Variants in ADRA1D observed in about 807,000 individuals in gnomAD.
The protein encoded by ADRA1D is alpha-1D adrenergic receptor.
In ADRA1D, 22 loss-of-function variants were observed where a neutral mutation model predicts 18.6. That is an observed-to-expected ratio of 1.19 (90% CI 0.85 to 1.69). ADRA1D has a LOEUF of 1.69. Ranked by LOEUF, ADRA1D falls within the 40% of genes most tolerant of loss-of-function variation. ADRA1D has a pLI of 0.00. For synonymous variants in ADRA1D, 376 were observed against 388.2 expected, an observed-to-expected ratio of 0.97 and a Z score of 0.37; for missense variants, 840 against 840.7, an observed-to-expected ratio of 1.00 and a Z score of 0.01.
At position 4,228,559 on chromosome 20, in the gene ADRA1D, T is replaced by C. The variant is rs190930528; in HGVS notation, c.1112-6429A>G. Among the ~76,000 whole-genome samples, 114 of 152,298 alleles carry C rather than the reference T, an allele frequency of 7.5e-4. 1 individual carries two copies. Among genetic ancestry groups the C allele is most frequent in the African/African-American group, 2.5e-3 (105 of 41,556 alleles). ...AGGAGTTTAGCCTTAAATGGTGAAA[T>C]AGAGAGGGAACATATAGTTACCTAC... On this transcript the variant is annotated intron_variant, in intron 1 of 1. Transcript: ENST00000379453.
In ADRA1D at chr20:4,221,891, G is replaced by A; in HGVS notation, c.1351C>T (p.Pro451Ser). ...STSGLRQDCA[P>S]SSGDAPPGAP... ...CCGGGGGGCGCGTCGCCCGAACTCG[G>A]GGCGCAGTCCTGGCGCAGGCCGCTG... The change falls in exon 2 of 2, where the codon CCG (proline) becomes TCG (serine). Residue 451 changes from proline (P) to serine (S), a missense_variant. Coordinates refer to ENST00000379453, the MANE Select transcript of ADRA1D (RefSeq NM_000678.4). 1 of 1,493,958 alleles carries A rather than the reference G, an allele frequency of 6.7e-7. No individual in the cohort carries two copies. The highest frequency in any genetic ancestry group is 2.3e-5 in the Admixed American group (1 of 44,332). The allele number at this position is 1,493,958 out of a possible 1,614,324, so 92.5% of individuals were successfully genotyped here.
chr20:4,245,832 C>A (rs1490448335), intron 1 of ADRA1D, among the ~76,000 whole-genome samples: 1 of 152,146 alleles, frequency 6.6e-6, no homozygotes, highest in Non-Finnish European at 1.5e-5. Flanking sequence ...CACCAACTTT[C>A]TCTTCCCTGC....
chr20:4,227,704 C>CCTTCCCTTCCTTCCTTCCT (rs1980839730), intron 1 of ADRA1D, among the ~76,000 whole-genome samples: 3 of 92,542 alleles, frequency 3.2e-5, no homozygotes, highest in Admixed American at 2.2e-4. Context: ...CCCTCCCTCC[C>CCTTCCCTTCCTTCCTTCCT]TCCTTCCTTC....
chr20:4,226,077 T>C (rs747868233), intron 1 of ADRA1D, among the ~76,000 whole-genome samples: 23 of 152,266 alleles, frequency 1.5e-4, no homozygotes, highest in Non-Finnish European at 2.6e-4. Context: ...CAGTGGACTA[T>C]GCTTTTCAGT....
chr20:4,221,431 G>T lies in ADRA1D; in HGVS notation c.*92C>A. 6 of 1,408,400 alleles carry T rather than the reference G, an allele frequency of 4.3e-6. No homozygotes were observed. In the South Asian group the frequency reaches 8.3e-5, roughly 20 times the overall value. 87.2% of individuals were successfully genotyped at this position (1,408,400 alleles called of 1,614,324 possible). A position where few individuals can be genotyped will look rare whatever the true frequency, so the allele number is the denominator to read the frequency against. ...TGCCCTGATCAGTTTCCGGGTCTCC[G>T]ATTTGCACGGGGGCTCTTAGAACAC... On this transcript the variant is annotated 3_prime_UTR_variant, in exon 2 of 2. Coordinates refer to ENST00000379453, the MANE Select transcript of ADRA1D (RefSeq NM_000678.4).
chr20:4,225,652 G>A (rs917693281), intron 1 of ADRA1D, among the ~76,000 whole-genome samples: 2 of 151,550 alleles, frequency 1.3e-5, no homozygotes, highest in Non-Finnish European at 2.9e-5. Flanking sequence ...CTGACCTCAA[G>A]TGATCCGCCT....
At chr20:4,234,647 G>A (rs959705930) in intron 1 of ADRA1D, among the ~76,000 whole-genome samples, 4 of 152,130 alleles carry the variant, frequency 2.6e-5, no homozygotes, top group Non-Finnish European at 5.9e-5. Context: ...CTCACGCAAC[G>A]GCCCTAACCT....
At chr20:4,233,588 C>T (rs6084666) in intron 1 of ADRA1D, among the ~76,000 whole-genome samples, 6 of 152,240 alleles carry the variant, frequency 3.9e-5, no homozygotes, top group East Asian at 3.9e-4. Context: ...CTATCTCAAA[C>T]GCTGCTTCTA....
chr20:4,249,036 C>T lies in ADRA1D; in HGVS notation c.-79G>A. The T allele has an allele frequency of 9.2e-7, 1 of 1,087,856 alleles. No homozygotes were observed. The highest frequency in any genetic ancestry group is 1.1e-6 in the Non-Finnish European group (1 of 876,452). The allele number at this position is 1,087,856 out of a possible 1,614,324, so 67.4% of individuals were successfully genotyped here. On this transcript the variant is annotated 5_prime_UTR_variant, in exon 1 of 2. Coordinates refer to ENST00000379453, the MANE Select transcript of ADRA1D (RefSeq NM_000678.4). ...GGGAGGGGAGCACAGGGCATAGCCG[C>T]GGGGCTCCAGATGCAGCTCCGCGCA...
At chr20:4,227,748 TTCTTCTC>T (rs1344384669) in intron 1 of ADRA1D, among the ~76,000 whole-genome samples, 2 of 134,000 alleles carry the variant, frequency 1.5e-5, no homozygotes, top group East Asian at 2.7e-4. Context: ...CCTTCCTTCC[TTCTTCTC>T]TCTCTCTCTT....
At chr20:4,225,424 C>CTT (rs1488671448) in intron 1 of ADRA1D, among the ~76,000 whole-genome samples, 2 of 91,426 alleles carry the variant, frequency 2.2e-5, no homozygotes, top group Non-Finnish European at 2.2e-5. Flanking sequence ...TTTTTTTTTT[C>CTT]TTTCTTTTTT....
At chr20:4,243,275 C>T (rs1012357286) in intron 1 of ADRA1D, among the ~76,000 whole-genome samples, 3 of 152,194 alleles carry the variant, frequency 2.0e-5, no homozygotes, top group Non-Finnish European at 4.4e-5. Flanking sequence ...TCTGGGTCCT[C>T]TCTGGAAGTC....
rs1398567640 is a variant in ADRA1D at position 4,220,887 on chromosome 20, T to A, written c.*636A>T. On this transcript the variant is annotated 3_prime_UTR_variant, in exon 2 of 2. Transcript: ENST00000379453. ...GTACAGAGTGTAAACAGTAAGGCCC[T>A]TGAGGGGAAGTAATAAGGGGTAGGG... 1 of 152,610 alleles carries A rather than the reference T, an allele frequency of 6.6e-6. No homozygotes were observed. The highest frequency in any genetic ancestry group is 2.4e-5 in the African/African-American group (1 of 41,384). 9.5% of individuals were successfully genotyped at this position (152,610 alleles called of 1,614,324 possible).
chr20:4,222,036 G>C lies in ADRA1D; in HGVS notation c.1206C>G (p.Tyr402Ter). The C allele has an allele frequency of 6.2e-7, 1 of 1,611,608 alleles. No homozygotes were observed. The highest frequency in any genetic ancestry group is 8.5e-7 in the Non-Finnish European group (1 of 1,178,988). The part of the protein sequence containing the change: ...YFNSCVNPLI[Y>*]PCSSREFKRA... ...GCTTGAACTCGCGGCTGGAACAGGGGTAGATGAGCGGGTTCACGCAGCTGT... is the reference window on the plus strand; with the variant it reads ...GCTTGAACTCGCGGCTGGAACAGGGCTAGATGAGCGGGTTCACGCAGCTGT... Residue 402 changes from tyrosine to a stop codon, truncating the protein, a stop_gained, in exon 2 of 2, where the codon TAC becomes TAG. Coordinates refer to ENST00000379453, the MANE Select transcript of ADRA1D (RefSeq NM_000678.4). LOFTEE classifies it low-confidence loss of function (END_TRUNC). This position sits in a 1 kb window ranked among gnomAD's most constrained non-coding sequence, Gnocchi z 4.3.
chr20:4,229,210 A>T (rs1391915213), intron 1 of ADRA1D, among the ~76,000 whole-genome samples: 2 of 152,150 alleles, frequency 1.3e-5, no homozygotes, highest in African/African-American at 4.8e-5. Flanking sequence ...TTGACTTTAC[A>T]GCTCAGACCT....
intron 1 of ADRA1D, among the ~76,000 whole-genome samples, chr20:4,227,704 C>CTCCTTCCTTCCCTCCCT (rs1555820746): frequency 1.1e-5 from 1 of 92,542 alleles, no homozygotes; most frequent in South Asian, 3.8e-4. Flanking sequence ...CCCTCCCTCC[C>CTCCTTCCTTCCCTCCCT]TCCTTCCTTC....
intron 1 of ADRA1D, among the ~76,000 whole-genome samples, chr20:4,229,641 C>T (rs1430535932): frequency 1.3e-5 from 2 of 152,024 alleles, no homozygotes; most frequent in South Asian, 2.1e-4. Context: ...AGAACGATGA[C>T]GAGGTTGGTG....
intron 1 of ADRA1D, among the ~76,000 whole-genome samples, chr20:4,224,454 T>G (rs1013401445): frequency 1.3e-5 from 2 of 152,110 alleles, no homozygotes; most frequent in Non-Finnish European, 2.9e-5. Context: ...GAAAGGCACA[T>G]GACCAAATGC....
At position 4,244,950 on chromosome 20, in the gene ADRA1D, C is replaced by T. The variant is rs139690604; in HGVS notation, c.1111+2897G>A. ...CCTGAGAAGCCTGGTGCAGCACAGACCATTAGGAAGGAGGATTTAGGGCCT... is the reference window on the plus strand; with the variant it reads ...CCTGAGAAGCCTGGTGCAGCACAGATCATTAGGAAGGAGGATTTAGGGCCT... On this transcript the variant is annotated intron_variant, in intron 1 of 1. Transcript: ENST00000379453. Among the ~76,000 whole-genome samples, 109 of 152,304 alleles carry T rather than the reference C, an allele frequency of 7.2e-4. 1 individual carries two copies. The East Asian group carries it at 0.011, about 16-fold the overall frequency.
Sources: gnomAD v4.1 joint callset for allele counts (sites outside exome capture counted in the v4.1 genomes callset) on GRCh38, gnomAD v4.1.1 for gene constraint, Gnocchi (gnomAD v3.1) non-coding constraint, MANE v1.5 for transcripts, NCBI Gene and HGNC (gene_info 2026-07-23, HGNC 2026-07-21) for gene names.